CUBN: variants seen among roughly 807,000 people sequenced by gnomAD.
CUBN encodes the protein cubilin.
Under a neutral mutation model 405.3 loss-of-function variants are expected in CUBN, and 282 were observed. That is an observed-to-expected ratio of 0.70 (90% confidence interval 0.63 to 0.77). CUBN has a LOEUF of 0.77. CUBN is among the 30% of genes least tolerant of loss of function. CUBN has a pLI of 0.00. For synonymous variants in CUBN, 1,684 were observed against 1,617.0 expected (o/e 1.04, Z -0.99); for missense variants, 4,514 against 4,475.2 (o/e 1.01, Z -0.25).
At chr10:16,900,138 A>G (rs1451677720) in intron 53 of CUBN, among the ~76,000 whole-genome samples, 1 of 152,168 alleles carries the variant, frequency 6.6e-6, no homozygotes, top group Non-Finnish European at 1.5e-5. Context: ...ACAGTTTCCC[A>G]TTGTTCAAGG....
intron 40 of CUBN, among the ~76,000 whole-genome samples, chr10:16,932,621 T>C (rs1842392761): frequency 6.6e-6 from 1 of 152,212 alleles, no homozygotes; most frequent in South Asian, 2.1e-4. Flanking sequence ...AGACAGGGTC[T>C]CATTCTGCTG....
chr10:17,125,732 C>T (rs938534136), intron 4 of CUBN, among the ~76,000 whole-genome samples: 12 of 152,140 alleles, frequency 7.9e-5, no homozygotes, highest in Admixed American at 7.9e-4. Context: ...AATCATTCAA[C>T]ATTCCTCCTG....
intron 15 of CUBN, 48 bp downstream of exon 15, chr10:17,088,116 G>A (rs760083463): frequency 1.4e-6 from 2 of 1,475,460 alleles, no homozygotes; most frequent in Non-Finnish European, 9.5e-7. Context: ...ATAGTGCCCT[G>A]AGTCCTAATC....
chr10:17,054,090 T>C (rs1167302992), intron 22 of CUBN, among the ~76,000 whole-genome samples: 1 of 152,022 alleles, frequency 6.6e-6, no homozygotes, highest in Non-Finnish European at 1.5e-5. Context: ...CCTAGCACTT[T>C]GGGAGGCCAA....
At chr10:16,881,832 T>A (rs1840671947) in intron 56 of CUBN, among the ~76,000 whole-genome samples, 1 of 152,198 alleles carries the variant, frequency 6.6e-6, no homozygotes, top group South Asian at 2.1e-4. Flanking sequence ...AAAATGGATA[T>A]GTGTGTCACT....
intron 65 of CUBN, among the ~76,000 whole-genome samples, chr10:16,829,861 G>A (rs554912095): frequency 7.9e-5 from 12 of 151,414 alleles, no homozygotes; most frequent in East Asian, 3.9e-4. Context: ...TTGCTCTGTC[G>A]CCCAGGCTGG....
chr10:16,932,572 A>G (rs939705771), intron 40 of CUBN, among the ~76,000 whole-genome samples: 1 of 152,190 alleles, frequency 6.6e-6, no homozygotes, highest in African/African-American at 2.4e-5. Context: ...AGAGAAATGA[A>G]TACATTACTA....
chr10:17,027,792 G>A (rs548152817), intron 27 of CUBN, among the ~76,000 whole-genome samples: 1 of 152,148 alleles, frequency 6.6e-6, no homozygotes, highest in African/African-American at 2.4e-5. Context: ...ACCATGTAAG[G>A]TAATCTGCTC....
At position 17,129,254 on chromosome 10, in the gene CUBN, T is replaced by A. The variant is rs372506077; in HGVS notation, c.123-4A>T. 3 of 1,613,484 alleles carry A rather than the reference T, an allele frequency of 1.9e-6. No individual in the cohort carries two copies. The highest frequency in any genetic ancestry group is 1.3e-5 in the African/African-American group (1 of 75,048). ...TCTCTCTGTAGCCATTCGAGGCCTA[T>A]ATAATTCAAACGAGAGAATGCATCA... On this transcript the variant is annotated splice_polypyrimidine_tract_variant and splice_region_variant and intron_variant, in intron 1 of 66. Transcript: ENST00000377833.
chr10:16,974,616 C>T (rs1352776621), intron 31 of CUBN, among the ~76,000 whole-genome samples: 4 of 152,116 alleles, frequency 2.6e-5, no homozygotes, highest in Non-Finnish European at 5.9e-5. Flanking sequence ...CGTGATCCCC[C>T]CGCCTCGGCC....
At chr10:16,986,626 T>C (rs571336444) in intron 29 of CUBN, among the ~76,000 whole-genome samples, 1 of 152,146 alleles carries the variant, frequency 6.6e-6, no homozygotes, top group South Asian at 2.1e-4. Context: ...CCAAGTCCCA[T>C]CAAAAGCAGG....
At chr10:16,982,394 C>T in intron 31 of CUBN, 90 bp downstream of exon 31, 4 of 1,151,466 alleles carry the variant, frequency 3.5e-6, no homozygotes, top group Non-Finnish European at 5.2e-6. Context: ...TAAAAACACC[C>T]ATAAGTAATA....
chr10:17,069,439 A>G (rs1835686810), intron 19 of CUBN, among the ~76,000 whole-genome samples: 1 of 151,934 alleles, frequency 6.6e-6, no homozygotes, highest in Non-Finnish European at 1.5e-5. Context: ...ACCAGTTTAC[A>G]TCTCCACCAG....
At chr10:17,056,539 T>C (rs35288133) in intron 22 of CUBN, among the ~76,000 whole-genome samples, 66 of 150,676 alleles carry the variant, frequency 4.4e-4, no homozygotes, top group Non-Finnish European at 7.7e-4. Flanking sequence ...AACCCGGGAG[T>C]CGGAGCTTGC....
intron 22 of CUBN, among the ~76,000 whole-genome samples, chr10:17,052,485 G>A (rs71493278): frequency 0.022 from 3,330 of 150,416 alleles, 94 homozygotes; most frequent in Middle Eastern, 0.093. Flanking sequence ...GGCTGGGTGC[G>A]GTGGCTCATG....
chr10:17,105,317 T>G, intron 11 of CUBN, 140 bp downstream of exon 11: 1 of 736,040 alleles, frequency 1.4e-6, no homozygotes. Flanking sequence ...TATCTATCTT[T>G]CATCTGAGAG....
At chr10:16,975,437 A>T (rs1833062648) in intron 31 of CUBN, among the ~76,000 whole-genome samples, 1 of 152,212 alleles carries the variant, frequency 6.6e-6, no homozygotes, top group African/African-American at 2.4e-5. Flanking sequence ...CCATGCTGGC[A>T]TGCTGTTGAC....
At chr10:17,061,143 A>G (rs775834819) in intron 22 of CUBN, among the ~76,000 whole-genome samples, 1 of 152,066 alleles carries the variant, frequency 6.6e-6, no homozygotes, top group Non-Finnish European at 1.5e-5. Context: ...GGCTGAGAGT[A>G]GGACCAAGAC....
chr10:16,903,447 T>C (rs1234096257), intron 51 of CUBN, among the ~76,000 whole-genome samples: 2 of 151,958 alleles, frequency 1.3e-5, no homozygotes, highest in Non-Finnish European at 2.9e-5. Flanking sequence ...AAAATGAAAT[T>C]CTGTATTATG....
Sources: gnomAD v4.1 joint callset for allele counts (sites outside exome capture counted in the v4.1 genomes callset) on GRCh38, gnomAD v4.1.1 for gene constraint, MANE v1.5 for transcripts, NCBI Gene and HGNC (gene_info 2026-07-23, HGNC 2026-07-21) for gene names.